RMI1: variants seen among roughly 807,000 people sequenced by gnomAD.
The protein encoded by RMI1 is RecQ mediated genome instability 1.
Under a neutral mutation model 46.7 loss-of-function variants are expected in RMI1, and 36 were observed. The ratio of observed to expected loss-of-function variants is 0.77; its 90% CI spans 0.59 to 1.02. RMI1 has a LOEUF of 1.02. RMI1 is among the 50% of genes least tolerant of loss of function. The pLI is 0.00. For missense variants in RMI1, 676 were observed against 713.7 expected, an observed-to-expected ratio of 0.95 and a Z score of 0.60; for synonymous variants, 250 against 252.9, an observed-to-expected ratio of 0.99 and a Z score of 0.11.
intron 1 of RMI1, among the ~76,000 whole-genome samples, chr9:83,982,832 G>A (rs1179372700): frequency 1.3e-5 from 2 of 151,840 alleles, no homozygotes; most frequent in African/African-American, 4.8e-5. Context: ...TAATTTTTAG[G>A]TTTGCTCTTT....
At position 84,002,266 on chromosome 9, in the gene RMI1, TAAAAC is replaced by T. The variant is rs764792608; in HGVS notation, c.1284_1288del (p.Lys428AsnfsTer6). ...AAGAACTTAGAGACAGATAATAAAA[TAAAAC>T]AAACCAGCAGTTCAGATAGCCATTC... On this transcript the variant is annotated frameshift_variant, in exon 3 of 3. Transcript: ENST00000445877. LOFTEE classifies it high-confidence loss of function. 8.7e-6 allele frequency: 14 copies of T among 1,607,250 alleles called. No homozygotes were observed. The highest frequency in any genetic ancestry group is 2.2e-5 in the East Asian group (1 of 44,776).
chr9:84,001,054 C>T lies in RMI1; in HGVS notation c.68C>T (p.Pro23Leu). 1.9e-6 allele frequency: 3 copies of T among 1,613,868 alleles called. No individual in the cohort carries two copies. The highest frequency in any genetic ancestry group is 2.5e-6 in the Non-Finnish European group (3 of 1,179,916). The change falls in exon 3 of 3, where the codon CCT becomes CTT. Residue 23 changes from proline to leucine, a missense_variant. Pro to Leu is a moderately conservative substitution (Grantham distance 98). Coordinates refer to ENST00000445877, the MANE Select transcript of RMI1 (RefSeq NM_001358291.2). ...WLLAAWHVKV[P>L]PMWLEACINW... is the part of the protein sequence containing the mutation. ...TTAGCTGCATGGCATGTTAAAGTACCTCCGATGTGGCTGGAAGCTTGTATT... is the reference window on the plus strand; with the variant it reads ...TTAGCTGCATGGCATGTTAAAGTACTTCCGATGTGGCTGGAAGCTTGTATT...
intron 1 of RMI1, among the ~76,000 whole-genome samples, chr9:83,993,366 A>G (rs1314812525): frequency 1.3e-5 from 2 of 152,146 alleles, no homozygotes; most frequent in Admixed American, 6.6e-5. Flanking sequence ...CATGGTATGT[A>G]TATGTTATGT....
intron 1 of RMI1, among the ~76,000 whole-genome samples, chr9:83,994,677 C>T (rs1957623889): frequency 6.6e-6 from 1 of 152,116 alleles, no homozygotes; most frequent in Admixed American, 6.6e-5. Flanking sequence ...TGACATCACA[C>T]CTGGCTGATT....
chr9:83,997,676 A>T (rs2133124857), intron 1 of RMI1, among the ~76,000 whole-genome samples: 1 of 152,246 alleles, frequency 6.6e-6, no homozygotes, highest in East Asian at 1.9e-4. Context: ...CTGAGGGGGA[A>T]ATCCATCACC....
chr9:83,996,962 CAT>C (rs1286888423), intron 1 of RMI1, among the ~76,000 whole-genome samples: 2 of 150,344 alleles, frequency 1.3e-5, no homozygotes, highest in African/African-American at 4.9e-5. Context: ...GAGTAAACAT[CAT>C]ATTGTCATTA....
chr9:84,002,243 GAACTT>G lies in RMI1; in HGVS notation c.1259_1263del (p.Asn420ArgfsTer4). 1 of 1,605,846 alleles carries G rather than the reference GAACTT, an allele frequency of 6.2e-7. No homozygotes were observed. Among genetic ancestry groups the G allele is most frequent in the Non-Finnish European group, 8.5e-7 (1 of 1,177,700 alleles). ...CCCATGATTTTACAAATAAAGAAAAGAACTTAGAGACAGATAATAAAATAAAACAA... is the reference window on the plus strand; with the variant it reads ...CCCATGATTTTACAAATAAAGAAAAGAGAGACAGATAATAAAATAAAACAA... On this transcript the variant is annotated frameshift_variant, in exon 3 of 3. Transcript: ENST00000445877. LOFTEE classifies it high-confidence loss of function.
intron 1 of RMI1, among the ~76,000 whole-genome samples, chr9:83,988,478 AT>A (rs1957524223): frequency 6.6e-6 from 1 of 151,932 alleles, no homozygotes; most frequent in Non-Finnish European, 1.5e-5. Context: ...TAATTTTTGC[AT>A]TTTTGGTAGA....
intron 1 of RMI1, among the ~76,000 whole-genome samples, chr9:83,996,588 C>T (rs745862345): frequency 1.3e-5 from 2 of 152,014 alleles, no homozygotes; most frequent in Non-Finnish European, 2.9e-5. Context: ...TCTAGAGGTA[C>T]TTTATGTTTA....
upstream of RMI1, chr9:83,980,362 T>G (rs1000539971): frequency 6.6e-6 from 1 of 152,342 alleles, no homozygotes; most frequent in African/African-American, 2.4e-5. Flanking sequence ...CAACCCCGCC[T>G]CCCGCCAGCG....
At chr9:83,987,471 T>C (rs955607539) in intron 1 of RMI1, among the ~76,000 whole-genome samples, 1 of 152,238 alleles carries the variant, frequency 6.6e-6, no homozygotes, top group Non-Finnish European at 1.5e-5. Context: ...TTCTATTCTT[T>C]TGGTGTTTAC....
chr9:83,996,217 G>A (rs1475759940), intron 1 of RMI1, among the ~76,000 whole-genome samples: 1 of 152,200 alleles, frequency 6.6e-6, no homozygotes, highest in African/African-American at 2.4e-5. Flanking sequence ...TTTACTTAGT[G>A]AATAGCCCAG....
chr9:83,996,661 T>G (rs748346407), intron 1 of RMI1, among the ~76,000 whole-genome samples: 56 of 152,346 alleles, frequency 3.7e-4, no homozygotes, highest in South Asian at 8.3e-4. Context: ...CTATATATCC[T>G]ATTAGATTAG....
chr9:84,002,001 T>C lies in RMI1; in HGVS notation c.1015T>C (p.Leu339=), dbSNP rs765083130. Residue 339 remains leucine, a synonymous_variant, in exon 3 of 3, where the codon TTG becomes CTG. Coordinates refer to ENST00000445877, the MANE Select transcript of RMI1 (RefSeq NM_001358291.2). ...GATGGAAACTAAGGAATTGCAACCA[T>C]TGACTTTTAACAGAAATGCCGATCG... ...EQMETKELQP[L]TFNRNADRSI... The C allele has an allele frequency of 1.8e-5, 29 of 1,613,894 alleles. No individual in the cohort carries two copies. The highest frequency in any genetic ancestry group is 1.6e-4 in the Middle Eastern group (1 of 6,082).
At chr9:83,993,285 A>G (rs1396702388) in intron 1 of RMI1, among the ~76,000 whole-genome samples, 1 of 152,136 alleles carries the variant, frequency 6.6e-6, no homozygotes, top group Non-Finnish European at 1.5e-5. Flanking sequence ...TTTACTTAGC[A>G]TAATGTCCTC....
intron 1 of RMI1, among the ~76,000 whole-genome samples, chr9:83,988,889 G>C (rs767919074): frequency 6.6e-6 from 1 of 151,982 alleles, no homozygotes; most frequent in African/African-American, 2.4e-5. Flanking sequence ...ACAGGGTCTT[G>C]CTCTGTTACC....
chr9:84,000,285 C>G (rs149192751), intron 2 of RMI1, among the ~76,000 whole-genome samples: 1 of 152,174 alleles, frequency 6.6e-6, no homozygotes, highest in African/African-American at 2.4e-5. Context: ...TGCAGTCAAC[C>G]AAGGTCTGAA....
chr9:83,996,499 T>A (rs1957655904), intron 1 of RMI1, among the ~76,000 whole-genome samples: 1 of 152,236 alleles, frequency 6.6e-6, no homozygotes, highest in African/African-American at 2.4e-5. Context: ...TGCCATCTGT[T>A]CCTGACCCAC....
chr9:83,986,363 A>C (rs563847442), intron 1 of RMI1, among the ~76,000 whole-genome samples: 4 of 152,322 alleles, frequency 2.6e-5, no homozygotes, highest in African/African-American at 9.6e-5. Flanking sequence ...ACTCTTATAG[A>C]ATGGCCGTTT....
Sources: gnomAD v4.1 joint callset for allele counts (sites outside exome capture counted in the v4.1 genomes callset) on GRCh38, gnomAD v4.1.1 for gene constraint, MANE v1.5 for transcripts, NCBI Gene and HGNC (gene_info 2026-07-23, HGNC 2026-07-21) for gene names.